The following PCDHA5 variants were observed in gnomAD, a reference collection of about 807,000 sequenced individuals.
PCDHA5 encodes protocadherin alpha 5, also known as protocadherin alpha-5.
A neutral mutation model predicts 61.6 loss-of-function variants in PCDHA5; 43 were observed. The observed-to-expected ratio is 0.70, with a 90% confidence interval of 0.55 to 0.90. The LOEUF (loss-of-function observed/expected upper bound fraction) is 0.90. Ranked by LOEUF, PCDHA5 falls within the 40% of genes least tolerant of loss-of-function variation. The pLI is 0.00. For synonymous variants in PCDHA5, 627 were observed against 543.9 expected, an observed-to-expected ratio of 1.15 and a Z score of -2.13; for missense variants, 1,298 against 1,222.7, an observed-to-expected ratio of 1.06 and a Z score of -0.92.
intron 1 of PCDHA5, 98 bp downstream of exon 1, chr5:140,824,225 A>G: frequency 1.3e-6 from 2 of 1,554,028 alleles, no homozygotes; most frequent in Non-Finnish European, 1.8e-6. Context: ...ATTATGTCTT[A>G]GTACACAAAT....
intron 1 of PCDHA5, among the ~76,000 whole-genome samples, chr5:140,894,005 G>A (rs1365314012): frequency 6.6e-6 from 1 of 152,072 alleles, no homozygotes; most frequent in Non-Finnish European, 1.5e-5. Context: ...TGTATGGTTG[G>A]TTCAAATTAC....
At chr5:140,877,093 G>C in intron 1 of PCDHA5, 1 of 1,613,296 alleles carries the variant, frequency 6.2e-7, no homozygotes, top group Non-Finnish European at 8.5e-7. Context: ...GCGCGACGCC[G>C]GCGTGCCGCC....
At chr5:140,875,654 C>G in intron 1 of PCDHA5, 2 of 1,613,702 alleles carry the variant, frequency 1.2e-6, no homozygotes, top group Non-Finnish European at 8.5e-7. Flanking sequence ...GAGCTGGTGC[C>G]GCGCCTGTTC....
chr5:140,937,595 C>A (rs940943581), intron 1 of PCDHA5, among the ~76,000 whole-genome samples: 1 of 150,652 alleles, frequency 6.6e-6, no homozygotes, highest in South Asian at 2.1e-4. Flanking sequence ...CTAGCCTGGG[C>A]AACAGAGTGA....
In PCDHA5 at chr5:141,009,694, A is replaced by G. The variant is rs782798367; in HGVS notation, c.2568A>G (p.Lys856=). The part of the protein sequence containing the change: ...AGVNSNSWTF[K]YGPGNPKQSG... ...TCAACAGCAACAGCTGGACCTTTAA[A>G]TACGGACCAGGCAACCCCAAACAAT... is the stretch of plus-strand genomic sequence containing the variant. The change falls in exon 4 of 4, where the codon AAA becomes AAG. Residue 856 remains lysine (K), a synonymous_variant. Transcript: ENST00000529859. 5 of 1,613,890 alleles carry G rather than the reference A, an allele frequency of 3.1e-6. No homozygotes were observed. In the Admixed American group the frequency reaches 6.7e-5, roughly 22 times the overall value.
At chr5:140,962,494 A>T (rs1016662619) in intron 1 of PCDHA5, among the ~76,000 whole-genome samples, 4 of 152,130 alleles carry the variant, frequency 2.6e-5, no homozygotes, top group Admixed American at 2.6e-4. Context: ...CAATTTTCAG[A>T]CACCTCAGCC....
chr5:141,007,481 T>C (rs2098332347), intron 3 of PCDHA5, among the ~76,000 whole-genome samples: 1 of 151,600 alleles, frequency 6.6e-6, no homozygotes, highest in Non-Finnish European at 1.5e-5. Context: ...GGCACGAGAA[T>C]TACTTGGACC....
At position 140,821,664 on chromosome 5, in the gene PCDHA5, A is replaced by T; in HGVS notation, c.-112A>T. On this transcript the variant is annotated 5_prime_UTR_variant, in exon 1 of 4. It adds an upstream start codon to the 5' untranslated region. Transcript: ENST00000529859. ...GAACCTTCCATTTTTGGCTGTGCCA[A>T]GAAGCTCAGAAAGGCGATAATATAA... The T allele has an allele frequency of 8.1e-7, 1 of 1,232,770 alleles. No homozygotes were observed. The highest frequency in any genetic ancestry group is 1.1e-6 in the Non-Finnish European group (1 of 888,656). 76.4% of individuals were successfully genotyped at this position (1,232,770 alleles called of 1,614,324 possible). A position where few individuals can be genotyped will look rare whatever the true frequency, so the allele number is the denominator to read the frequency against.
In PCDHA5 at chr5:140,926,973, G is replaced by T. The variant is rs369317394; in HGVS notation, c.2353-51976G>T. 5.0e-6 allele frequency: 8 copies of T among 1,609,646 alleles called. No homozygotes were observed. The African/African-American group carries it at 1.1e-4, about 21-fold the overall frequency. On this transcript the variant is annotated intron_variant, in intron 1 of 3. Transcript: ENST00000529859. ...CGGGACAGCTCGAGTACTCAGTGCC[G>T]GAGGAGACGGAGCGGGGCGTAGCCG...
In PCDHA5 at chr5:140,852,643, C is replaced by T. The variant is rs2150521089; in HGVS notation, c.2352+28516C>T. 453 of 958,790 alleles carry T rather than the reference C, an allele frequency of 4.7e-4. 23 individuals carry two copies. The African/African-American group carries it at 7.6e-3, about 16-fold the overall frequency. 59.4% of individuals were successfully genotyped at this position (958,790 alleles called of 1,614,324 possible). ...TGGTCTCTGAGCTCCTGTCATTAAA[C>T]CTATCTATATCTGTCTATCAGCACA... is the stretch of plus-strand genomic sequence containing the variant. On this transcript the variant is annotated intron_variant, in intron 1 of 3. Transcript: ENST00000529859.
chr5:140,907,408 C>T (rs2073363118), intron 1 of PCDHA5, among the ~76,000 whole-genome samples: 1 of 152,118 alleles, frequency 6.6e-6, no homozygotes. Flanking sequence ...TGTGGAATAC[C>T]ACGATGGTGG....
At chr5:140,870,034 G>GA in intron 1 of PCDHA5, 6 of 1,613,690 alleles carry the variant, frequency 3.7e-6, no homozygotes, top group Non-Finnish European at 5.1e-6. Flanking sequence ...AGATTATGAA[G>GA]AAAACAAGTT....
intron 1 of PCDHA5, among the ~76,000 whole-genome samples, chr5:140,898,780 C>A (rs1424563314): frequency 3.9e-5 from 6 of 152,106 alleles, no homozygotes; most frequent in African/African-American, 1.2e-4. Flanking sequence ...TTACCTTGGG[C>A]AGTATGGCCA....
chr5:140,909,935 A>G (rs2074774035), intron 1 of PCDHA5, among the ~76,000 whole-genome samples: 1 of 152,154 alleles, frequency 6.6e-6, no homozygotes, highest in Admixed American at 6.5e-5. Flanking sequence ...AATCACAGTT[A>G]CTCTGGTAAA....
At chr5:140,895,691 T>C (rs571770501) in intron 1 of PCDHA5, among the ~76,000 whole-genome samples, 3 of 152,322 alleles carry the variant, frequency 2.0e-5, no homozygotes, top group South Asian at 4.1e-4. Flanking sequence ...TCTGTTTCTA[T>C]ATTAATTCAC....
intron 3 of PCDHA5, among the ~76,000 whole-genome samples, chr5:141,005,998 G>A (rs1289174174): frequency 1.3e-5 from 2 of 151,618 alleles, no homozygotes; most frequent in Non-Finnish European, 2.9e-5. Flanking sequence ...GGATCTGAAA[G>A]AAGGCCTGTA....
chr5:140,875,987 TA>T (rs1165213326), intron 1 of PCDHA5: 1 of 1,613,914 alleles, frequency 6.2e-7, no homozygotes, highest in East Asian at 2.2e-5. Context: ...ACCTATGCGT[TA>T]AGTCTAAATG....
Position 140,938,107 on chromosome 5 carries a change from T to C in PCDHA5, c.2353-40842T>C, listed in dbSNP as rs73266057. On this transcript the variant is annotated intron_variant, in intron 1 of 3. Coordinates refer to ENST00000529859, the MANE Select transcript of PCDHA5 (RefSeq NM_018908.3). ...TAGTTTTATTATTGTATTTTTTACT[T>C]TCTCTCTTTTTTTAAAAAAATAGAG... is the stretch of plus-strand genomic sequence containing the variant. 3.3e-3 allele frequency among the ~76,000 whole-genome samples: 502 copies of C among 152,318 alleles called. 3 individuals carry two copies. Among genetic ancestry groups the C allele is most frequent in the African/African-American group, 0.012 (483 of 41,576 alleles).
At position 140,830,355 on chromosome 5, in the gene PCDHA5, G is replaced by T. The variant is rs2150185270; in HGVS notation, c.2352+6228G>T. The T allele has an allele frequency of 1.8e-5, 29 of 1,614,002 alleles. No individual in the cohort carries two copies. The African/African-American group carries it at 2.7e-4, about 15-fold the overall frequency. ...AGCTGGTCGTACTCGCAGCAGAGGC[G>T]GCAGAGGGTGTGCTCCGGGGAGGGC... On this transcript the variant is annotated intron_variant, in intron 1 of 3. Coordinates refer to ENST00000529859, the MANE Select transcript of PCDHA5 (RefSeq NM_018908.3).
Sources: allele counts gnomAD v4.1 joint callset (sites outside exome capture counted in the v4.1 genomes callset), GRCh38; gene constraint gnomAD v4.1.1; transcripts MANE v1.5; gene names NCBI Gene and HGNC (gene_info 2026-07-23, HGNC 2026-07-21).